Variants in FBXL5 observed in about 807,000 individuals in gnomAD.
The protein encoded by FBXL5 is F-box/LRR-repeat protein 5.
FBXL5 carries 26 observed loss-of-function variants against 78.3 expected under a neutral mutation model. The ratio of observed to expected loss-of-function variants is 0.33; its 90% CI spans 0.24 to 0.46. FBXL5 has a LOEUF of 0.46. Ranked by LOEUF, FBXL5 falls within the 20% of genes least tolerant of loss-of-function variation. FBXL5 has a pLI of 1.00. For synonymous variants in FBXL5, 295 were observed against 282.5 expected (o/e 1.04, Z -0.45); for missense variants, 710 against 829.2 (o/e 0.86, Z 1.77).
intron 1 of FBXL5, among the ~76,000 whole-genome samples, chr4:15,648,481 T>C (rs1715600563): frequency 1.3e-5 from 2 of 152,182 alleles, no homozygotes; most frequent in Admixed American, 1.3e-4. Context: ...GGAGCCAACC[T>C]GAGTGCTTGT....
At chr4:15,667,282 C>T (rs769952833) in intron 1 of FBXL5, among the ~76,000 whole-genome samples, 59 of 152,222 alleles carry the variant, frequency 3.9e-4, no homozygotes, top group South Asian at 8.3e-4. Context: ...AGTACCTAGT[C>T]CAATGCTTGG....
intron 6 of FBXL5, among the ~76,000 whole-genome samples, chr4:15,629,218 A>T (rs1317232874): frequency 2.0e-5 from 3 of 152,128 alleles, no homozygotes; most frequent in Admixed American, 6.5e-5. Context: ...TTTCCTTTTC[A>T]ATATGAAGGA....
intron 10 of FBXL5, among the ~76,000 whole-genome samples, chr4:15,606,289 T>C (rs1233472451): frequency 1.3e-5 from 2 of 152,208 alleles, no homozygotes; most frequent in Non-Finnish European, 2.9e-5. Context: ...ATATTTGCCA[T>C]ATTTTTATTT....
At chr4:15,637,845 T>TA (rs1426389430) in intron 4 of FBXL5, among the ~76,000 whole-genome samples, 8 of 151,570 alleles carry the variant, frequency 5.3e-5, no homozygotes, top group Non-Finnish European at 8.8e-5. Flanking sequence ...CTGCTGCCAC[T>TA]AATCTTGAAG....
intron 1 of FBXL5, among the ~76,000 whole-genome samples, chr4:15,677,595 A>T (rs1055137110): frequency 1.3e-5 from 2 of 152,194 alleles, no homozygotes; most frequent in Non-Finnish European, 1.5e-5. Context: ...GTCATGTCTG[A>T]TCATTGGAAG....
chr4:15,628,073 GATA>G, intron 6 of FBXL5, 40 bp from the exon 7 acceptor site: 2 of 1,588,074 alleles, frequency 1.3e-6, no homozygotes, highest in Non-Finnish European at 8.6e-7. Flanking sequence ...TTGATAAACT[GATA>G]ATAATTAAGC....
intron 10 of FBXL5, among the ~76,000 whole-genome samples, chr4:15,607,176 T>C (rs1490109038): frequency 6.6e-6 from 1 of 152,174 alleles, no homozygotes; most frequent in Non-Finnish European, 1.5e-5. Flanking sequence ...GCGGAGTAGA[T>C]ATGGGAATGA....
At chr4:15,650,767 G>C (rs1715922147) in intron 1 of FBXL5, among the ~76,000 whole-genome samples, 1 of 149,362 alleles carries the variant, frequency 6.7e-6, no homozygotes, top group South Asian at 2.1e-4. Flanking sequence ...TGAGTAGCTG[G>C]GATTACAGGA....
upstream of FBXL5, among the ~76,000 whole-genome samples, chr4:15,660,481 G>C (rs1717252083): frequency 6.6e-6 from 1 of 152,194 alleles, no homozygotes; most frequent in Non-Finnish European, 1.5e-5. Context: ...CCTAGAAATA[G>C]AGATGTCATG....
At chr4:15,662,221 G>T (rs1717344522), upstream of FBXL5, among the ~76,000 whole-genome samples, 1 of 152,136 alleles carries the variant, frequency 6.6e-6, no homozygotes, top group African/African-American at 2.4e-5. Flanking sequence ...GCTAAACGTG[G>T]TCCAGAACTG....
chr4:15,638,011 G>T (rs1215496710), intron 4 of FBXL5, among the ~76,000 whole-genome samples: 3 of 151,450 alleles, frequency 2.0e-5, no homozygotes, highest in South Asian at 2.1e-4. Context: ...GAATATTACT[G>T]GATACAAGCT....
At chr4:15,657,762 T>C (rs945296424), upstream of FBXL5, among the ~76,000 whole-genome samples, 1 of 152,266 alleles carries the variant, frequency 6.6e-6, no homozygotes, top group African/African-American at 2.4e-5. Flanking sequence ...CTGACTTTAC[T>C]GAACTTTAGC....
chr4:15,666,816 G>A (rs1717566556), intron 1 of FBXL5, among the ~76,000 whole-genome samples: 1 of 151,428 alleles, frequency 6.6e-6, no homozygotes, highest in Admixed American at 6.6e-5. Flanking sequence ...GCTGCTACCT[G>A]TCTCAACAAA....
At chr4:15,630,263 C>A (rs2148593917) in intron 6 of FBXL5, among the ~76,000 whole-genome samples, 1 of 152,256 alleles carries the variant, frequency 6.6e-6, no homozygotes, top group Admixed American at 6.5e-5. Flanking sequence ...TTAAGACTAT[C>A]TACAAACGAG....
intron 1 of FBXL5, among the ~76,000 whole-genome samples, chr4:15,668,043 A>G (rs1577514041): frequency 1.7e-5 from 1 of 58,840 alleles, no homozygotes; most frequent in East Asian, 2.6e-4. Context: ...CTCTATCTCT[A>G]AAAAAAAAAA....
chr4:15,625,152 A>G (rs1712901078), intron 9 of FBXL5, 100 bp downstream of exon 9: 2 of 1,354,890 alleles, frequency 1.5e-6, no homozygotes, highest in Admixed American at 4.8e-5. Context: ...CTTTTTGCTA[A>G]GTAAATCAAC....
chr4:15,655,248 G>A lies in FBXL5; in HGVS notation c.40C>T (p.Pro14Ser). 1.4e-6 allele frequency: 2 copies of A among 1,444,170 alleles called. No homozygotes were observed. The highest frequency in any genetic ancestry group is 1.3e-5 in the South Asian group (1 of 78,548). 89.5% of individuals were successfully genotyped at this position (1,444,170 alleles called of 1,614,324 possible). ...FPEEVDVFTA[P>S]HWRMKQLVGL... is the part of the protein sequence containing the mutation. The stretch of plus-strand genomic sequence containing the variant: ...ACCAGCTGCTTCATCCGCCAGTGTG[G>A]GGCGGTGAAGACGTCCACTTCTTCA... The change falls in exon 1 of 11, where the codon CCA (proline) becomes TCA (serine). Residue 14 changes from proline (P) to serine (S), a missense_variant. Transcript: ENST00000341285.
In FBXL5 at chr4:15,666,682, A is replaced by T. The variant is rs149289639; in HGVS notation, c.-283-6760T>A. 5.6e-3 allele frequency among the ~76,000 whole-genome samples: 847 copies of T among 152,248 alleles called. 6 individuals are homozygous for T. The highest frequency in any genetic ancestry group is 0.02 in the African/African-American group (813 of 41,532). On this transcript the variant is annotated intron_variant, in intron 1 of 4. Transcript: ENST00000507899. ...CTTGTCTCTACTAAACATCAAAAAA[A>T]TTAGCCAGGTGTGGTGGTGTGTGCC...
At chr4:15,681,280 C>T (rs1718249828) in intron 1 of FBXL5, 1 of 153,520 alleles carries the variant, frequency 6.5e-6, no homozygotes, top group Non-Finnish European at 1.5e-5. Context: ...TGAAAATCAC[C>T]TTGGAGTGTA....
Sources: gnomAD v4.1 joint callset for allele counts (sites outside exome capture counted in the v4.1 genomes callset) on GRCh38, gnomAD v4.1.1 for gene constraint, MANE v1.5 for transcripts, NCBI Gene and HGNC (gene_info 2026-07-23, HGNC 2026-07-21) for gene names.